The following AKAP19 variants were observed in gnomAD, a reference collection of about 807,000 sequenced individuals.
AKAP19 encodes the protein A-kinase anchoring protein 19, also known as small A-kinase anchoring protein.
the AKAP19 span, among the ~76,000 whole-genome samples, chr2:189,884,991 T>A: frequency 6.6e-6 from 1 of 152,346 alleles, no homozygotes; most frequent in Non-Finnish European, 1.5e-5. Flanking sequence ...ATGAATCTGC[T>A]TATGGCTCTC....
At chr2:189,923,449 G>T in the AKAP19 span, 13 of 1,613,894 alleles carry the variant, frequency 8.1e-6, no homozygotes, top group Non-Finnish European at 1.0e-5. Context: ...CAATCTTTTC[G>T]AAGTATGGCA....
chr2:190,023,042 G>A, the AKAP19 span, among the ~76,000 whole-genome samples: 38 of 152,000 alleles, frequency 2.5e-4, no homozygotes, highest in African/African-American at 8.9e-4. Context: ...CCCCCAAGCT[G>A]GTATTTAATT....
chr2:189,883,083 C>T, the AKAP19 span, among the ~76,000 whole-genome samples: 2 of 151,960 alleles, frequency 1.3e-5, no homozygotes, highest in Non-Finnish European at 2.9e-5. Flanking sequence ...AAATTCTGTC[C>T]CAGTGGTTAT....
the AKAP19 span, among the ~76,000 whole-genome samples, chr2:190,143,695 C>CATG: frequency 6.6e-6 from 1 of 151,964 alleles, no homozygotes; most frequent in African/African-American, 2.4e-5. Flanking sequence ...GACTATAAAT[C>CATG]ATGCTGCTAT....
the AKAP19 span, among the ~76,000 whole-genome samples, chr2:189,904,961 C>A: frequency 6.6e-6 from 1 of 151,862 alleles, no homozygotes. Flanking sequence ...CATTTATTAC[C>A]ACTAAGAGAA....
the AKAP19 span, among the ~76,000 whole-genome samples, chr2:190,022,159 C>T: frequency 6.6e-6 from 1 of 152,094 alleles, no homozygotes; most frequent in South Asian, 2.1e-4. Context: ...TAAAGGCCCC[C>T]CTTTTCAGTA....
chr2:190,104,278 G>A, the AKAP19 span, among the ~76,000 whole-genome samples: 1 of 152,068 alleles, frequency 6.6e-6, no homozygotes, highest in East Asian at 1.9e-4. Context: ...TTGGCCTTGG[G>A]AAAGAATTTA....
chr2:190,157,766 C>G, the AKAP19 span, among the ~76,000 whole-genome samples: 1 of 152,024 alleles, frequency 6.6e-6, no homozygotes, highest in Non-Finnish European at 1.5e-5. Context: ...CTCTAGAACT[C>G]AAAACAAATT....
chr2:190,092,809 ATAT>A, the AKAP19 span, among the ~76,000 whole-genome samples: 107 of 152,134 alleles, frequency 7.0e-4, 1 homozygote, highest in Non-Finnish European at 1.4e-3. Flanking sequence ...TCTGTGAAAA[ATAT>A]TATTTCCTTG....
chr2:189,975,065 C>T, the AKAP19 span, among the ~76,000 whole-genome samples: 1 of 152,228 alleles, frequency 6.6e-6, no homozygotes, highest in Admixed American at 6.5e-5. Context: ...GATGCAGTTT[C>T]TTCCTAGCAC....
the AKAP19 span, among the ~76,000 whole-genome samples, chr2:190,168,035 G>T: frequency 6.6e-6 from 1 of 152,188 alleles, no homozygotes; most frequent in Non-Finnish European, 1.5e-5. Flanking sequence ...TCTAGCAGAG[G>T]TTCTCCATGA....
the AKAP19 span, among the ~76,000 whole-genome samples, chr2:190,073,990 C>T: frequency 2.0e-5 from 3 of 150,340 alleles, no homozygotes; most frequent in African/African-American, 7.3e-5. Flanking sequence ...TACAGTGAGC[C>T]GAGATTGTGC....
the AKAP19 span, among the ~76,000 whole-genome samples, chr2:190,046,079 G>A: frequency 3.3e-5 from 5 of 152,202 alleles, no homozygotes; most frequent in Non-Finnish European, 7.3e-5. Context: ...GTGGCCGATT[G>A]TCCTGTCTTG....
chr2:190,003,377 TC>T, the AKAP19 span, among the ~76,000 whole-genome samples: 1 of 152,108 alleles, frequency 6.6e-6, no homozygotes, highest in South Asian at 2.1e-4. Context: ...TTTTTTGACA[TC>T]TAGATGTTTC....
the AKAP19 span, among the ~76,000 whole-genome samples, chr2:189,909,924 G>A: frequency 0.016 from 2,463 of 151,462 alleles, 36 homozygotes; most frequent in Non-Finnish European, 0.024. Context: ...GTATCAAGGT[G>A]TTTTTTTTCA....
the AKAP19 span, among the ~76,000 whole-genome samples, chr2:189,996,934 C>G: frequency 6.6e-6 from 1 of 152,168 alleles, no homozygotes; most frequent in African/African-American, 2.4e-5. Flanking sequence ...CAGAGACTCC[C>G]AAGATGTGAT....
At chr2:190,072,654 A>G in the AKAP19 span, among the ~76,000 whole-genome samples, 1 of 152,320 alleles carries the variant, frequency 6.6e-6, no homozygotes, top group South Asian at 2.1e-4. Flanking sequence ...AATCCAGACC[A>G]TATTCTCTGA....
the AKAP19 span, among the ~76,000 whole-genome samples, chr2:190,023,785 ATG>A: frequency 8.8e-6 from 1 of 113,652 alleles, no homozygotes; most frequent in Non-Finnish European, 1.9e-5. Flanking sequence ...TCTGTAGGTA[ATG>A]TGTGTGTGTA....
chr2:190,038,896 CTTTCT>C, the AKAP19 span, among the ~76,000 whole-genome samples: 44 of 35,162 alleles, frequency 1.3e-3, no homozygotes, highest in South Asian at 8.0e-3. Context: ...TTCTTTCTTT[CTTTCT>C]TTCTTCTTCT....
Sources: allele counts gnomAD v4.1 joint callset (sites outside exome capture counted in the v4.1 genomes callset), GRCh38; gene constraint gnomAD v4.1.1; transcripts MANE v1.5; gene names NCBI Gene and HGNC (gene_info 2026-07-23, HGNC 2026-07-21).